The following PRKX variants were observed in gnomAD, a reference collection of about 807,000 sequenced individuals.
PRKX encodes the protein cAMP-dependent protein kinase catalytic subunit PRKX.
Under a neutral mutation model 22.0 loss-of-function variants are expected in PRKX, and 12 were observed. That is an observed-to-expected ratio of 0.54 (90% CI 0.35 to 0.88). The LOEUF is 0.88. Among genes scored for constraint, PRKX ranks in the 40% least tolerant of loss-of-function variants. The probability of loss-of-function intolerance (pLI) is 0.01; values close to 1 mark genes in which losing one functional copy is unlikely to be tolerated. For missense variants in PRKX, 217 were observed against 308.0 expected, an observed-to-expected ratio of 0.70 and a Z score of 2.21; for synonymous variants, 134 against 137.7, an observed-to-expected ratio of 0.97 and a Z score of 0.19.
At chrX:3,703,870 G>A (rs574738019) in intron 1 of PRKX, among the ~76,000 whole-genome samples, 1 of 108,966 alleles carries the variant, frequency 9.2e-6, no homozygotes, top group African/African-American at 3.3e-5. Flanking sequence ...ACGGGGTTTT[G>A]TCATGTTGGC....
chrX:3,643,978 C>T (rs991450099), intron 3 of PRKX, among the ~76,000 whole-genome samples: 1 of 109,939 alleles, frequency 9.1e-6, no homozygotes, highest in African/African-American at 3.3e-5. Flanking sequence ...TTCCCTTCCC[C>T]ACCACACCTC....
At chrX:3,609,066 T>C (rs2146552152) in intron 8 of PRKX, 121 bp from the exon 9 acceptor site, 1 of 112,468 alleles carries the variant, frequency 8.9e-6, no homozygotes, top group East Asian at 2.8e-4. Context: ...AGAAAACCTC[T>C]CTTTGTAATT....
Position 3,612,340 on chromosome X carries a change from C to T in PRKX, c.952-15G>A, listed in dbSNP as rs1727281811. 1.7e-6 allele frequency: 2 copies of T among 1,202,399 alleles called. No individual in the cohort carries two copies. The highest frequency in any genetic ancestry group is 2.2e-6 in the Non-Finnish European group (2 of 892,027). ...ACGATGGGAGGCTGTGAGACATGGC[C>T]GAAGCACAAAGGCATGGTTAGAAAG... On this transcript the variant is annotated splice_polypyrimidine_tract_variant and intron_variant, in intron 7 of 8. Coordinates refer to ENST00000262848, the MANE Select transcript of PRKX (RefSeq NM_005044.5).
At chrX:3,669,350 CCATCCAT>C (rs1927802549) in intron 2 of PRKX, among the ~76,000 whole-genome samples, 1 of 111,940 alleles carries the variant, frequency 8.9e-6, no homozygotes, top group East Asian at 2.8e-4. Context: ...ATCCATCCAT[CCATCCAT>C]CCATCCATCA....
rs186339585 is a variant in PRKX, at chrX:3,607,365, C to T, written c.*1604G>A. On this transcript the variant is annotated 3_prime_UTR_variant, in exon 9 of 9. Transcript: ENST00000262848. ...AGTATACCTGCTGCCGAAGTCAGCA[C>T]CAGTTTCACCTTTTCACATTCACGG... 1 of 111,706 alleles carries T rather than the reference C, an allele frequency of 9.0e-6. No homozygotes were observed. The highest frequency in any genetic ancestry group is 3.3e-5 in the African/African-American group (1 of 30,668). 9.2% of individuals were successfully genotyped at this position (111,706 alleles called of 1,213,427 possible). A position where few individuals can be genotyped will look rare whatever the true frequency, so the allele number is the denominator to read the frequency against.
Position 3,664,911 on chromosome X carries a change from T to C in PRKX, c.336-9499A>G, listed in dbSNP as rs957774920. Among the ~76,000 whole-genome samples, 5 of 112,206 alleles carry C rather than the reference T, an allele frequency of 4.5e-5. No individual in the cohort carries two copies. The Admixed American group carries it at 4.7e-4, about 11-fold the overall frequency. On this transcript the variant is annotated intron_variant, in intron 2 of 8. Transcript: ENST00000262848. The stretch of plus-strand genomic sequence containing the variant: ...TACCCTAGAAGCCCAAAGCTCACCA[T>C]AACATGATACATCCATGTACCAAAC...
chrX:3,622,284 A>G (rs2060727389), intron 5 of PRKX, among the ~76,000 whole-genome samples: 1 of 111,662 alleles, frequency 9.0e-6, no homozygotes, highest in Admixed American at 9.6e-5. Flanking sequence ...GGAAGTAGAA[A>G]TGATCATGTG....
intron 6 of PRKX, among the ~76,000 whole-genome samples, chrX:3,618,035 C>T (rs1436216540): frequency 3.3e-5 from 3 of 91,094 alleles, no homozygotes; most frequent in Non-Finnish European, 6.4e-5. Context: ...CTGCAACCTC[C>T]GCCTTGCTGT....
chrX:3,689,393 A>T (rs1385032588), intron 1 of PRKX, among the ~76,000 whole-genome samples: 5 of 112,601 alleles, frequency 4.4e-5, no homozygotes, highest in African/African-American at 6.4e-5. Context: ...TTTAAAAAAG[A>T]GTGTGTGTTG....
At chrX:3,697,279 C>G (rs1162096304) in intron 1 of PRKX, among the ~76,000 whole-genome samples, 1 of 110,150 alleles carries the variant, frequency 9.1e-6, no homozygotes, top group Non-Finnish European at 1.9e-5. Flanking sequence ...GGCACGAGGA[C>G]TGCTTGAGCC....
At chrX:3,640,016 C>T (rs762029296) in intron 4 of PRKX, among the ~76,000 whole-genome samples, 1 of 111,407 alleles carries the variant, frequency 9.0e-6, no homozygotes, top group East Asian at 2.9e-4. Flanking sequence ...TCTTCCTTCC[C>T]TCCTTTGTTT....
At chrX:3,629,252 T>A (rs1329025245) in intron 4 of PRKX, among the ~76,000 whole-genome samples, 1 of 109,262 alleles carries the variant, frequency 9.2e-6, no homozygotes, top group Non-Finnish European at 1.9e-5. Context: ...ACTACTTTTT[T>A]TTTTTGAGAC....
At chrX:3,628,850 G>T (rs745496050) in intron 4 of PRKX, among the ~76,000 whole-genome samples, 4 of 111,464 alleles carry the variant, frequency 3.6e-5, no homozygotes, top group Non-Finnish European at 5.6e-5. Context: ...AGACCAGCCT[G>T]GCCAACATGG....
chrX:3,693,792 T>C (rs1928384181), intron 1 of PRKX, among the ~76,000 whole-genome samples: 1 of 107,533 alleles, frequency 9.3e-6, no homozygotes, highest in African/African-American at 3.4e-5. Context: ...AAAAAAAAAT[T>C]AGCCGGGTGT....
intron 6 of PRKX, among the ~76,000 whole-genome samples, chrX:3,620,984 CA>C (rs1445138281): frequency 9.0e-6 from 1 of 110,952 alleles, no homozygotes; most frequent in Non-Finnish European, 1.9e-5. Flanking sequence ...ATAACTTATG[CA>C]TTGTTATTGC....
chrX:3,620,677 G>A (rs1166200866), intron 6 of PRKX, among the ~76,000 whole-genome samples: 1 of 112,471 alleles, frequency 8.9e-6, no homozygotes, highest in Non-Finnish European at 1.9e-5. Flanking sequence ...TGTGCGGTCT[G>A]TGGAAAAACT....
At chrX:3,684,966 G>A (rs902527694) in intron 1 of PRKX, among the ~76,000 whole-genome samples, 2 of 111,220 alleles carry the variant, frequency 1.8e-5, no homozygotes, top group African/African-American at 6.6e-5. Flanking sequence ...ACAGGCATGT[G>A]CCACCACAGC....
At chrX:3,660,065 T>C (rs1307254673) in intron 2 of PRKX, among the ~76,000 whole-genome samples, 3 of 112,143 alleles carry the variant, frequency 2.7e-5, no homozygotes, top group Non-Finnish European at 5.6e-5. Flanking sequence ...TTCCTCTCAG[T>C]AATATTTCGT....
At chrX:3,609,327 A>G (rs1246214867) in intron 8 of PRKX, among the ~76,000 whole-genome samples, 1 of 110,750 alleles carries the variant, frequency 9.0e-6, no homozygotes, top group Non-Finnish European at 1.9e-5. Context: ...CGCCTGGGTA[A>G]TTTTTGTATT....
Sources: gnomAD v4.1 joint callset for allele counts (sites outside exome capture counted in the v4.1 genomes callset) on GRCh38, gnomAD v4.1.1 for gene constraint, MANE v1.5 for transcripts, NCBI Gene and HGNC (gene_info 2026-07-23, HGNC 2026-07-21) for gene names.